RAB3GAP1: variants seen among roughly 807,000 people sequenced by gnomAD.
The protein encoded by RAB3GAP1 is RAB3 GTPase activating protein catalytic subunit 1, also known as rab3 GTPase-activating protein catalytic subunit.
In RAB3GAP1, 86 loss-of-function variants were observed where a neutral mutation model predicts 130.7. The observed-to-expected ratio is 0.66, with a 90% confidence interval of 0.55 to 0.79. The LOEUF (loss-of-function observed/expected upper bound fraction) is 0.79, where lower values mean the gene tolerates loss of function less well. Ranked by LOEUF, RAB3GAP1 falls within the 30% of genes least tolerant of loss-of-function variation. RAB3GAP1 has a pLI of 0.00. For missense variants in RAB3GAP1, 1,029 were observed against 1,169.4 expected (o/e 0.88, Z 1.75); for synonymous variants, 367 against 401.7 (o/e 0.91, Z 1.03).
Position 135,153,667 on chromosome 2 carries a change from TC to T in RAB3GAP1, c.2083del (p.Leu695TrpfsTer5), listed in dbSNP as rs1187368937. ...ESFKAANPGC[S>X]LEDFVRWYSP... Reference sequence around the variant, plus strand: ...ATTTTAGGCAGCTAATCCAGGTTGCTCCCTGGAAGATTTTGTGAGGTGGTAT... The same window carrying T: ...ATTTTAGGCAGCTAATCCAGGTTGCTCCTGGAAGATTTTGTGAGGTGGTAT... On this transcript the variant is annotated frameshift_variant, in exon 19 of 24. Transcript: ENST00000264158. LOFTEE classifies it high-confidence loss of function. 6.2e-7 allele frequency: 1 copy of T among 1,613,926 alleles called. No individual in the cohort carries two copies. The highest frequency in any genetic ancestry group is 8.5e-7 in the Non-Finnish European group (1 of 1,179,836).
chr2:135,123,467 T>C (rs186008989), intron 8 of RAB3GAP1, among the ~76,000 whole-genome samples: 1 of 152,348 alleles, frequency 6.6e-6, no homozygotes, highest in Admixed American at 6.5e-5. Flanking sequence ...GGAAGTTTTG[T>C]TAACTCAGTA....
intron 5 of RAB3GAP1, among the ~76,000 whole-genome samples, chr2:135,100,417 C>T (rs1391824913): frequency 6.6e-6 from 1 of 152,172 alleles, no homozygotes; most frequent in East Asian, 1.9e-4. Context: ...CTCGCTTTTG[C>T]CTTTCAGTAT....
chr2:135,112,970 G>T (rs1043156339), intron 5 of RAB3GAP1, among the ~76,000 whole-genome samples, 181 bp from the exon 6 acceptor site: 1 of 152,160 alleles, frequency 6.6e-6, no homozygotes, highest in Non-Finnish European at 1.5e-5. Flanking sequence ...CTAGTAGGTG[G>T]ATGATGGAAG....
At chr2:135,063,078 T>C (rs2104829329) in intron 3 of RAB3GAP1, among the ~76,000 whole-genome samples, 1 of 152,320 alleles carries the variant, frequency 6.6e-6, no homozygotes, top group African/African-American at 2.4e-5. Flanking sequence ...ATCCTTGCCC[T>C]CTTTAAATGT....
chr2:135,172,200 C>T (rs529524301), downstream of RAB3GAP1, among the ~76,000 whole-genome samples: 4 of 151,844 alleles, frequency 2.6e-5, no homozygotes, highest in South Asian at 2.1e-4. Flanking sequence ...GAGGCCGAGG[C>T]GGGCGGATCA....
chr2:135,172,452 C>G (rs1280725237), downstream of RAB3GAP1, among the ~76,000 whole-genome samples: 1 of 150,534 alleles, frequency 6.6e-6, no homozygotes, highest in Non-Finnish European at 1.5e-5. Flanking sequence ...AAAAAAAATC[C>G]CATTGGCCAC....
intron 5 of RAB3GAP1, among the ~76,000 whole-genome samples, chr2:135,107,395 G>A (rs1690658454): frequency 6.6e-6 from 1 of 151,884 alleles, no homozygotes; most frequent in Admixed American, 6.6e-5. Context: ...TATGTAATAT[G>A]TAATATATAT....
chr2:135,091,496 A>G, intron 4 of RAB3GAP1, among the ~76,000 whole-genome samples: 1 of 151,046 alleles, frequency 6.6e-6, no homozygotes, highest in East Asian at 1.9e-4. Context: ...TTGGGAGATT[A>G]GAGAAGGAGA....
intron 8 of RAB3GAP1, 74 bp from the exon 9 acceptor site, chr2:135,124,091 T>C: frequency 7.1e-7 from 1 of 1,417,442 alleles, no homozygotes; most frequent in Non-Finnish European, 1.0e-6. Flanking sequence ...AGCTATGATA[T>C]TCCAAAGGGC....
At chr2:135,113,308 G>GT (rs768049750) in intron 6 of RAB3GAP1, 38 bp downstream of exon 6, 3 of 1,608,966 alleles carry the variant, frequency 1.9e-6, no homozygotes, top group Non-Finnish European at 2.6e-6. Context: ...CAAAAAAACT[G>GT]TTTTTAACAA....
At chr2:135,164,036 T>A (rs992446678) in intron 22 of RAB3GAP1, among the ~76,000 whole-genome samples, 28 of 152,354 alleles carry the variant, frequency 1.8e-4, no homozygotes, top group Admixed American at 8.5e-4. Context: ...TTTGGTGGCT[T>A]TGTGCCTTCA....
Position 135,133,116 on chromosome 2 carries a change from T to G in RAB3GAP1, c.1326+132T>G. 3 of 664,022 alleles carry G rather than the reference T, an allele frequency of 4.5e-6. No homozygotes were observed. In the Admixed American group the frequency reaches 7.5e-5, roughly 17 times the overall value. 41.1% of individuals were successfully genotyped at this position (664,022 alleles called of 1,614,324 possible). ...CACCTTGGGAATTTTGGATGGCAGA[T>G]CGTGGTTTCCACTTAGATAACTAGC... On this transcript the variant is annotated intron_variant, in intron 14 of 23. Coordinates refer to ENST00000264158, the MANE Select transcript of RAB3GAP1 (RefSeq NM_012233.3).
chr2:135,131,788 T>G (rs1009950759), intron 13 of RAB3GAP1, among the ~76,000 whole-genome samples: 17 of 152,254 alleles, frequency 1.1e-4, no homozygotes, highest in Admixed American at 9.8e-4. Context: ...TTAAAGGATC[T>G]TCTGTGACAC....
At chr2:135,136,020 A>C (rs1691671661) in intron 17 of RAB3GAP1, 88 bp downstream of exon 17, 6 of 1,539,878 alleles carry the variant, frequency 3.9e-6, no homozygotes, top group Non-Finnish European at 4.5e-6. Context: ...GAGTAAGGAA[A>C]ATTATCCAAA....
Position 135,140,740 on chromosome 2 carries a change from C to G in RAB3GAP1, c.1923+4808C>G, listed in dbSNP as rs375735959. On this transcript the variant is annotated intron_variant, in intron 17 of 23. Coordinates refer to ENST00000264158, the MANE Select transcript of RAB3GAP1 (RefSeq NM_012233.3). The stretch of plus-strand genomic sequence containing the variant: ...TTGCTTAGGCATAGGGTTAACCATA[C>G]CAAAATCTAGACTCCCATAAAGAAA... Among the ~76,000 whole-genome samples the G allele has an allele frequency of 8.5e-5, 13 of 152,290 alleles. No homozygotes were observed. In the South Asian group the frequency reaches 2.7e-3, roughly 32 times the overall value.
chr2:135,149,950 C>T lies in RAB3GAP1; in HGVS notation c.1924-419C>T, dbSNP rs370736120. Among the ~76,000 whole-genome samples the T allele has an allele frequency of 2.2e-4, 33 of 152,328 alleles. No homozygotes were observed. In the South Asian group the frequency reaches 5.8e-3, roughly 27 times the overall value. Reference sequence around the variant, plus strand: ...GGGATTACAGGCATGAGCCACCGTGCCTGGCCCTGTTAGAGCAATTATTTC... The same window carrying T: ...GGGATTACAGGCATGAGCCACCGTGTCTGGCCCTGTTAGAGCAATTATTTC... On this transcript the variant is annotated intron_variant, in intron 17 of 23. Coordinates refer to ENST00000264158, the MANE Select transcript of RAB3GAP1 (RefSeq NM_012233.3).
chr2:135,137,635 A>T (rs1287511743), intron 17 of RAB3GAP1, among the ~76,000 whole-genome samples: 2 of 152,196 alleles, frequency 1.3e-5, no homozygotes, highest in Non-Finnish European at 2.9e-5. Flanking sequence ...ACAAAAATTT[A>T]TTGACTTAAA....
intron 5 of RAB3GAP1, among the ~76,000 whole-genome samples, chr2:135,104,851 G>A (rs62170175): frequency 0.042 from 6,380 of 152,048 alleles, 158 homozygotes; most frequent in African/African-American, 0.055. Flanking sequence ...ATACTGCCAC[G>A]GCACTCCAGC....
At position 135,135,841 on chromosome 2, in the gene RAB3GAP1, T is replaced by C. The variant is rs1691664982; in HGVS notation, c.1832T>C (p.Met611Thr). 2 of 1,614,146 alleles carry C rather than the reference T, an allele frequency of 1.2e-6. No homozygotes were observed. The highest frequency in any genetic ancestry group is 1.7e-6 in the Non-Finnish European group (2 of 1,179,984). ...ESGKKGGPKE[M>T]ANLRPEGRLY... ...GGCAAGAAAGGAGGACCTAAGGAGATGGCAAATTTAAGGCCGGAAGGACGG... is the reference window on the plus strand; with the variant it reads ...GGCAAGAAAGGAGGACCTAAGGAGACGGCAAATTTAAGGCCGGAAGGACGG... Residue 611 changes from methionine to threonine, a missense_variant, in exon 17 of 24, where the codon ATG (methionine) becomes ACG (threonine). Met to Thr is a moderately conservative substitution (Grantham distance 81). This residue lies in a region of RAB3GAP1 where 373 missense variants were observed against 493.6 expected (regional missense o/e 0.76). Transcript: ENST00000264158.
Sources: allele counts gnomAD v4.1 joint callset (sites outside exome capture counted in the v4.1 genomes callset), GRCh38; gene constraint gnomAD v4.1.1; regional missense constraint gnomAD v4.1.1; transcripts MANE v1.5; gene names NCBI Gene and HGNC (gene_info 2026-07-23, HGNC 2026-07-21).